Variants in APLP2 observed in about 807,000 individuals in gnomAD.
The protein encoded by APLP2 is amyloid beta precursor like protein 2.
Under a neutral mutation model 89.9 loss-of-function variants are expected in APLP2, and 53 were observed. That is an observed-to-expected ratio of 0.59 (90% confidence interval 0.47 to 0.74). The LOEUF (loss-of-function observed/expected upper bound fraction) is 0.74, where lower values mean the gene tolerates loss of function less well. Ranked by LOEUF, APLP2 falls within the 30% of genes least tolerant of loss-of-function variation. The probability of loss-of-function intolerance (pLI) is 0.00; values close to 1 mark genes in which losing one functional copy is unlikely to be tolerated. For missense variants in APLP2, 973 were observed against 975.9 expected (o/e 1.00, Z 0.04); for synonymous variants, 372 against 348.6 (o/e 1.07, Z -0.75).
intron 13 of APLP2, 64 bp downstream of exon 13, chr11:130,135,779 T>G (rs755979061): frequency 1.3e-6 from 2 of 1,590,932 alleles, no homozygotes; most frequent in Non-Finnish European, 1.7e-6. Context: ...AGAATTGAAG[T>G]CAGTTTTTCG....
chr11:130,108,606 T>C (rs1162462736), intron 1 of APLP2: 1 of 152,204 alleles, frequency 6.6e-6, no homozygotes, highest in Non-Finnish European at 1.5e-5. Flanking sequence ...ACACTGTTGG[T>C]GGGACTCTAA....
At chr11:130,090,665 T>G (rs1437658085) in intron 1 of APLP2, among the ~76,000 whole-genome samples, 12 of 152,152 alleles carry the variant, frequency 7.9e-5, no homozygotes, top group African/African-American at 2.9e-4. Context: ...GTCTACTTCT[T>G]TCTACACAGA....
intron 1 of APLP2, among the ~76,000 whole-genome samples, chr11:130,075,595 A>G (rs544594071): frequency 1.3e-5 from 2 of 152,172 alleles, no homozygotes; most frequent in African/African-American, 4.8e-5. Flanking sequence ...AGCTCCCCGG[A>G]TGATTCTAAT....
chr11:130,122,795 C>T (rs1949972528), intron 6 of APLP2, among the ~76,000 whole-genome samples: 1 of 152,186 alleles, frequency 6.6e-6, no homozygotes, highest in Non-Finnish European at 1.5e-5. Flanking sequence ...CTTCCACATT[C>T]ATCCTAAAAT....
chr11:130,134,942 G>T (rs1951394799), intron 12 of APLP2, among the ~76,000 whole-genome samples: 1 of 152,164 alleles, frequency 6.6e-6, no homozygotes, highest in Non-Finnish European at 1.5e-5. Context: ...ATTTCTGTTG[G>T]ATGTTATGTG....
chr11:130,083,026 C>CTTTTTTTTTTTTTTTTTTT lies in APLP2; in HGVS notation c.105+12953_105+12971dup, dbSNP rs553962550. Among the ~76,000 whole-genome samples, 68 of 72,516 alleles carry CTTTTTTTTTTTTTTTTTTT rather than the reference C, an allele frequency of 9.4e-4. 5 individuals are homozygous for CTTTTTTTTTTTTTTTTTTT. Among genetic ancestry groups the CTTTTTTTTTTTTTTTTTTT allele is most frequent in the African/African-American group, 2.9e-3 (46 of 15,884 alleles). 47.6% of individuals were successfully genotyped at this position (72,516 alleles called of 152,430 possible). A position where few individuals can be genotyped will look rare whatever the true frequency, so the allele number is the denominator to read the frequency against. On this transcript the variant is annotated intron_variant, in intron 1 of 16. Coordinates refer to ENST00000338167, the MANE Select transcript of APLP2 (RefSeq NM_001142276.2). ...TATTAACCACTGAAACTTTTCTTTT[C>CTTTTTTTTTTTTTTTTTTT]TTTTTTTTTTTTTTTTTTTTTTTTT...
At chr11:130,119,516 C>T (rs556751319) in intron 3 of APLP2, among the ~76,000 whole-genome samples, 5 of 152,340 alleles carry the variant, frequency 3.3e-5, no homozygotes, top group African/African-American at 1.2e-4. Context: ...ATGAGCCACT[C>T]TTCCACCTTC....
chr11:130,142,929 C>T (rs995334476), intron 16 of APLP2, among the ~76,000 whole-genome samples: 2 of 152,148 alleles, frequency 1.3e-5, no homozygotes, highest in African/African-American at 4.8e-5. Flanking sequence ...TTGGTTTTAT[C>T]TCCTGCTGGA....
chr11:130,106,529 G>A (rs1947782981), intron 1 of APLP2, among the ~76,000 whole-genome samples: 1 of 152,106 alleles, frequency 6.6e-6, no homozygotes. Flanking sequence ...AAGGACTGAA[G>A]TCCTTTCTTG....
At chr11:130,104,758 GA>G (rs146880902) in intron 1 of APLP2, among the ~76,000 whole-genome samples, 9,103 of 152,206 alleles carry the variant, frequency 0.06, 283 homozygotes, top group Non-Finnish European at 0.073. Flanking sequence ...TTTAATAAAT[GA>G]ATATTCGTTC....
chr11:130,117,222 C>T (rs1949293918), intron 3 of APLP2, among the ~76,000 whole-genome samples: 1 of 152,118 alleles, frequency 6.6e-6, no homozygotes, highest in African/African-American at 2.4e-5. Flanking sequence ...TTGATTCAGT[C>T]ATGGAATAGC....
Position 130,141,595 on chromosome 11 carries a change from TAAGGTTTCCTGC to T in APLP2, c.1998+24_1998+35del. ...CGGGTACGTGTTTAGCTCCAGAACC[TAAGGTTTCCTGC>T]CAATCTTAGGTATTTCTCCTCTGGA... On this transcript the variant is annotated intron_variant, in intron 15 of 16. Coordinates refer to ENST00000338167, the MANE Select transcript of APLP2 (RefSeq NM_001142276.2). The surrounding 1 kb of genome is among the most constrained non-coding windows in gnomAD (Gnocchi z 4.2). The T allele has an allele frequency of 2.5e-6, 4 of 1,604,546 alleles. No homozygotes were observed. The highest frequency in any genetic ancestry group is 3.4e-6 in the Non-Finnish European group (4 of 1,171,616).
At chr11:130,086,382 G>C (rs1393204179) in intron 1 of APLP2, among the ~76,000 whole-genome samples, 1 of 152,108 alleles carries the variant, frequency 6.6e-6, no homozygotes, top group Non-Finnish European at 1.5e-5. Flanking sequence ...TTGTTTTGTT[G>C]CTATTGTTGA....
At chr11:130,092,180 C>T (rs1233188359) in intron 1 of APLP2, among the ~76,000 whole-genome samples, 3 of 139,450 alleles carry the variant, frequency 2.2e-5, no homozygotes, top group Non-Finnish European at 4.6e-5. Flanking sequence ...TGGGAAGAGG[C>T]GCTCCTCACT....
intron 4 of APLP2, among the ~76,000 whole-genome samples, chr11:130,121,051 T>C (rs1396462964): frequency 1.3e-5 from 2 of 152,124 alleles, no homozygotes; most frequent in African/African-American, 4.8e-5. Context: ...GTTAAGGAGG[T>C]GGCTGAGCGA....
At chr11:130,142,753 A>G (rs1591860970) in intron 16 of APLP2, among the ~76,000 whole-genome samples, 1 of 152,116 alleles carries the variant, frequency 6.6e-6, no homozygotes, top group East Asian at 1.9e-4. Context: ...AGCTGAGACT[A>G]CAGGTGTGTG....
chr11:130,137,156 A>C, intron 13 of APLP2: 10 of 1,073,624 alleles, frequency 9.3e-6, no homozygotes, highest in Non-Finnish European at 1.3e-5. Context: ...TTCACATTAT[A>C]GAGAAATTCT....
rs538207665 is a variant in APLP2 at position 130,111,189 on chromosome 11, G to C, written c.403+528G>C. 2.0e-3 allele frequency among the ~76,000 whole-genome samples: 309 copies of C among 152,296 alleles called. 1 individual carries two copies. The highest frequency in any genetic ancestry group is 1.5e-3 in the Non-Finnish European group (104 of 68,028). ...GGCTGGTAGGGGTGTTCGTGACTCT[G>C]TGTTGCTGGTGTCAACATTCAGAGC... is the stretch of plus-strand genomic sequence containing the variant. On this transcript the variant is annotated intron_variant, in intron 3 of 16. Coordinates refer to ENST00000338167, the MANE Select transcript of APLP2 (RefSeq NM_001142276.2).
At chr11:130,074,852 C>G (rs1022133400) in intron 1 of APLP2, among the ~76,000 whole-genome samples, 1 of 152,054 alleles carries the variant, frequency 6.6e-6, no homozygotes, top group Non-Finnish European at 1.5e-5. Flanking sequence ...TTCCGTGTGA[C>G]AAAAAGTAGG....
Sources: gnomAD v4.1 joint callset for allele counts (sites outside exome capture counted in the v4.1 genomes callset) on GRCh38, gnomAD v4.1.1 for gene constraint, Gnocchi (gnomAD v3.1) non-coding constraint, MANE v1.5 for transcripts, NCBI Gene and HGNC (gene_info 2026-07-23, HGNC 2026-07-21) for gene names.